The following EDEM1 variants were observed in gnomAD, a reference collection of about 807,000 sequenced individuals.
The protein encoded by EDEM1 is ER degradation enhancing alpha-mannosidase like protein 1.
EDEM1 carries 67 observed loss-of-function variants against 74.4 expected under a neutral mutation model. The ratio of observed to expected loss-of-function variants is 0.90; its 90% CI spans 0.74 to 1.10. EDEM1 has a LOEUF of 1.10. EDEM1 is among the 50% of genes least tolerant of loss of function. The pLI is 0.00. For synonymous variants in EDEM1, 382 were observed against 335.9 expected, an observed-to-expected ratio of 1.14 and a Z score of -1.50; for missense variants, 926 against 851.6, an observed-to-expected ratio of 1.09 and a Z score of -1.09.
Position 5,198,052 on chromosome 3 carries a change from C to CT in EDEM1, c.583-1530dup, listed in dbSNP as rs369841667. On this transcript the variant is annotated intron_variant, in intron 2 of 11. Coordinates refer to ENST00000256497, the MANE Select transcript of EDEM1 (RefSeq NM_014674.3). Reference sequence around the variant, plus strand: ...AGACAAATGGTTACATTTTTTTTGTCTTTTTTTTTTGAGACAGAGTCTTGC... The same window carrying CT: ...AGACAAATGGTTACATTTTTTTTGTCTTTTTTTTTTTGAGACAGAGTCTTGC... 4.3e-4 allele frequency among the ~76,000 whole-genome samples: 64 copies of CT among 148,726 alleles called. No individual in the cohort carries two copies. The East Asian group carries it at 5.7e-3, about 13-fold the overall frequency.
intron 1 of EDEM1, among the ~76,000 whole-genome samples, chr3:5,193,507 T>G (rs2054925799): frequency 6.6e-6 from 1 of 152,220 alleles, no homozygotes; most frequent in African/African-American, 2.4e-5. Flanking sequence ...GCCAAGCAGT[T>G]TTCTGACTTC....
chr3:5,213,554 A>G lies in EDEM1; in HGVS notation c.1884+32A>G, dbSNP rs369939330. On this transcript the variant is annotated intron_variant, in intron 11 of 11. Coordinates refer to ENST00000256497, the MANE Select transcript of EDEM1 (RefSeq NM_014674.3). ...TGCTTTTTCCAGGGGTGATTTGCAT[A>G]TAGAGGAAGAGAAGATACTATGAAT... is the stretch of plus-strand genomic sequence containing the variant. 25 of 1,569,144 alleles carry G rather than the reference A, an allele frequency of 1.6e-5. No homozygotes were observed. The African/African-American group carries it at 3.1e-4, about 20-fold the overall frequency.
Position 5,187,991 on chromosome 3 carries a change from G to T in EDEM1, c.186G>T (p.Arg62=), listed in dbSNP as rs1559291185. ...CGCCCACCTCGGGGCCCGTGGGCCG[G>T]CCTGGGGGGGTATCCGGGCCGTCGT... ...PASPTSGPVG[R]PGGVSGPSWL... is the part of the protein sequence containing the mutation. Residue 62 remains arginine, a synonymous_variant, in exon 1 of 12, where the codon CGG becomes CGT. Transcript: ENST00000256497. 1.3e-6 allele frequency: 2 copies of T among 1,520,760 alleles called. No homozygotes were observed. The highest frequency in any genetic ancestry group is 8.8e-7 in the Non-Finnish European group (1 of 1,136,814). The allele number at this position is 1,520,760 out of a possible 1,614,324, so 94.2% of individuals were successfully genotyped here.
chr3:5,202,489 C>T (rs1005321964), intron 4 of EDEM1, among the ~76,000 whole-genome samples: 1 of 152,212 alleles, frequency 6.6e-6, no homozygotes, highest in African/African-American at 2.4e-5. Context: ...AGGTAACTGA[C>T]TGAGAACTGC....
In EDEM1 at chr3:5,219,604, G is replaced by T. The variant is rs543925736; in HGVS notation, c.*3686G>T. The T allele has an allele frequency of 6.6e-6, 1 of 152,252 alleles. No homozygotes were observed. The highest frequency in any genetic ancestry group is 1.5e-5 in the Non-Finnish European group (1 of 68,036). The allele number at this position is 152,252 out of a possible 1,614,324, so 9.4% of individuals were successfully genotyped here. On this transcript the variant is annotated 3_prime_UTR_variant, in exon 12 of 12. Coordinates refer to ENST00000256497, the MANE Select transcript of EDEM1 (RefSeq NM_014674.3). ...CTCTTCCTTCTTTCTGCAAGGCAGA[G>T]GAATAATATTTTTAAAGGTTATTTT...
At position 5,215,846 on chromosome 3, in the gene EDEM1, T is replaced by C; in HGVS notation, c.1902T>C (p.Asp634=). Residue 634 remains aspartate, a synonymous_variant, in exon 12 of 12, where the codon GAT becomes GAC. Transcript: ENST00000256497. The part of the protein sequence containing the change: ...NSSSNCNRVP[D]ERRYSLPLKS... ...CTTTCTAGTGCAATCGTGTACCTGATGAGAGGAGGTACTCCCTGCCCTTAA... is the reference window on the plus strand; with the variant it reads ...CTTTCTAGTGCAATCGTGTACCTGACGAGAGGAGGTACTCCCTGCCCTTAA... 1 of 1,613,234 alleles carries C rather than the reference T, an allele frequency of 6.2e-7. No individual in the cohort carries two copies. The highest frequency in any genetic ancestry group is 8.5e-7 in the Non-Finnish European group (1 of 1,179,698).
intron 9 of EDEM1, 60 bp from the exon 10 acceptor site, chr3:5,211,060 T>C (rs2055161110): frequency 1.4e-6 from 2 of 1,468,278 alleles, no homozygotes; most frequent in Non-Finnish European, 1.9e-6. Context: ...TTCTGCTTCT[T>C]AAGTGAATCA....
Position 5,208,172 on chromosome 3 carries a change from C to G in EDEM1, c.1418C>G (p.Pro473Arg). 1 of 1,613,538 alleles carries G rather than the reference C, an allele frequency of 6.2e-7. No homozygotes were observed. Among genetic ancestry groups the G allele is most frequent in the Non-Finnish European group, 8.5e-7 (1 of 1,179,850 alleles). ...ATATGGAAACGATATGGTGCCCTCCCTGAGAGATATAACTGGCAGCTGCAG... is the reference window on the plus strand; with the variant it reads ...ATATGGAAACGATATGGTGCCCTCCGTGAGAGATATAACTGGCAGCTGCAG... ...YAIWKRYGAL[P>R]ERYNWQLQAP... Residue 473 changes from proline to arginine, a missense_variant, in exon 8 of 12, where the codon CCT (proline) becomes CGT (arginine). Transcript: ENST00000256497.
In EDEM1 at chr3:5,208,232, A is replaced by C; in HGVS notation, c.1478A>C (p.Glu493Ala). ...PDVLFYPLRP[E>A]LVESTYLLYQ... is the part of the protein sequence containing the mutation. The stretch of plus-strand genomic sequence containing the variant: ...GTTCTCTTCTACCCACTGAGACCAG[A>C]GTTAGTGGAATCCACATATCTCCTC... The change falls in exon 8 of 12, where the codon GAG (glutamate) becomes GCG (alanine). Residue 493 changes from glutamate (E) to alanine (A), a missense_variant. Coordinates refer to ENST00000256497, the MANE Select transcript of EDEM1 (RefSeq NM_014674.3). 6.2e-7 allele frequency: 1 copy of C among 1,612,032 alleles called. No individual in the cohort carries two copies. Among genetic ancestry groups the C allele is most frequent in the Non-Finnish European group, 8.5e-7 (1 of 1,179,598 alleles).
At chr3:5,200,506 G>A (rs1396910304) in intron 3 of EDEM1, among the ~76,000 whole-genome samples, 1 of 152,128 alleles carries the variant, frequency 6.6e-6, no homozygotes, top group African/African-American at 2.4e-5. Context: ...GGATCATGCT[G>A]TATACCTAGT....
At chr3:5,196,110 T>C (rs1017217024) in intron 2 of EDEM1, among the ~76,000 whole-genome samples, 1 of 152,258 alleles carries the variant, frequency 6.6e-6, no homozygotes, top group Non-Finnish European at 1.5e-5. Flanking sequence ...GTACTTTTAT[T>C]TATTCTTGTT....
chr3:5,214,888 T>C (rs1340232713), intron 11 of EDEM1, among the ~76,000 whole-genome samples: 2 of 152,196 alleles, frequency 1.3e-5, no homozygotes, highest in African/African-American at 4.8e-5. Context: ...GGGAATCCAC[T>C]TCCATCCTAG....
At position 5,196,798 on chromosome 3, in the gene EDEM1, A is replaced by G. The variant is rs1460803244; in HGVS notation, c.582+1517A>G. On this transcript the variant is annotated intron_variant, in intron 2 of 11. Coordinates refer to ENST00000256497, the MANE Select transcript of EDEM1 (RefSeq NM_014674.3). ...GTTCGACCTTAGAGCTAATTTGTTGATGATACCAGAGGCTGACTCAGCCTA... is the reference window on the plus strand; with the variant it reads ...GTTCGACCTTAGAGCTAATTTGTTGGTGATACCAGAGGCTGACTCAGCCTA... Among the ~76,000 whole-genome samples, 4 of 152,294 alleles carry G rather than the reference A, an allele frequency of 2.6e-5. No homozygotes were observed. The South Asian group carries it at 6.2e-4, about 24-fold the overall frequency.
Position 5,218,958 on chromosome 3 carries a change from A to AT in EDEM1, c.*3044dup, listed in dbSNP as rs1453268633. 2 of 152,152 alleles carry AT rather than the reference A, an allele frequency of 1.3e-5. No individual in the cohort carries two copies. The highest frequency in any genetic ancestry group is 2.9e-5 in the Non-Finnish European group (2 of 68,000). 9.4% of individuals were successfully genotyped at this position (152,152 alleles called of 1,614,324 possible). On this transcript the variant is annotated 3_prime_UTR_variant, in exon 12 of 12. Coordinates refer to ENST00000256497, the MANE Select transcript of EDEM1 (RefSeq NM_014674.3). ...GGACTGTGCACGTGACACTTAAATA[A>AT]TTTTCTATGTATTTAAAGAAAAATG... is the stretch of plus-strand genomic sequence containing the variant.
intron 5 of EDEM1, 77 bp downstream of exon 5, chr3:5,203,226 C>G: frequency 7.2e-7 from 1 of 1,396,252 alleles, no homozygotes; most frequent in South Asian, 1.6e-5. Flanking sequence ...GGGCTCTGCC[C>G]CCTTTTTACT....
chr3:5,188,850 A>T (rs1233621789), intron 1 of EDEM1, among the ~76,000 whole-genome samples: 1 of 152,186 alleles, frequency 6.6e-6, no homozygotes, highest in African/African-American at 2.4e-5. Context: ...GAACGGGGTT[A>T]CAGCCTCTCC....
At position 5,214,609 on chromosome 3, in the gene EDEM1, C is replaced by T. The variant is rs1032033128; in HGVS notation, c.1884+1087C>T. Among the ~76,000 whole-genome samples the T allele has an allele frequency of 1.1e-4, 16 of 152,164 alleles. No individual in the cohort carries two copies. The East Asian group carries it at 1.5e-3, about 15-fold the overall frequency. ...GCCTTTGCACCATTCTAAACGCTTA[C>T]GTACATTAATCTGTTTACTTCTAAC... is the stretch of plus-strand genomic sequence containing the variant. On this transcript the variant is annotated intron_variant, in intron 11 of 11. Transcript: ENST00000256497.
Position 5,205,158 on chromosome 3 carries a change from A to C in EDEM1, c.1134A>C (p.Lys378Asn). The change falls in exon 6 of 12, where the codon AAA becomes AAC. Residue 378 changes from lysine (K) to asparagine (N), a missense_variant. Physicochemically the swap from Lys to Asn is moderately conservative, Grantham distance 94. Coordinates refer to ENST00000256497, the MANE Select transcript of EDEM1 (RefSeq NM_014674.3). Reference protein sequence around the residue: ...GLDSFYEYLLKSYILFGEKED... With the variant: ...GLDSFYEYLLNSYILFGEKED... The stretch of plus-strand genomic sequence containing the variant: ...ACTCCTTCTATGAATACCTCTTGAA[A>C]TCTTACATTCTCTTTGGAGAAAAAG... 6.2e-7 allele frequency: 1 copy of C among 1,614,232 alleles called. No individual in the cohort carries two copies. The highest frequency in any genetic ancestry group is 8.5e-7 in the Non-Finnish European group (1 of 1,180,036).
chr3:5,203,933 A>G (rs2055064226), intron 5 of EDEM1, among the ~76,000 whole-genome samples: 1 of 151,960 alleles, frequency 6.6e-6, no homozygotes, highest in Non-Finnish European at 1.5e-5. Flanking sequence ...GGGTCTCACT[A>G]TGTTGCCTGA....
Sources: gnomAD v4.1 joint callset for allele counts (sites outside exome capture counted in the v4.1 genomes callset) on GRCh38, gnomAD v4.1.1 for gene constraint, MANE v1.5 for transcripts, NCBI Gene and HGNC (gene_info 2026-07-23, HGNC 2026-07-21) for gene names.